The following COL23A1 variants were observed in gnomAD, a reference collection of about 807,000 sequenced individuals.
COL23A1 encodes the protein collagen alpha-1(XXIII) chain.
Under a neutral mutation model 99.3 loss-of-function variants are expected in COL23A1, and 97 were observed. The observed-to-expected ratio is 0.98, with a 90% CI of 0.83 to 1.16. The LOEUF is 1.16. COL23A1 is among the 50% of genes most tolerant of loss of function. The pLI is 0.00. For synonymous variants in COL23A1, 320 were observed against 308.2 expected, an observed-to-expected ratio of 1.04 and a Z score of -0.40; for missense variants, 762 against 757.4, an observed-to-expected ratio of 1.01 and a Z score of -0.07.
At chr5:178,489,018 G>T (rs1011757593) in intron 2 of COL23A1, among the ~76,000 whole-genome samples, 7 of 150,998 alleles carry the variant, frequency 4.6e-5, no homozygotes, top group Admixed American at 3.9e-4. Flanking sequence ...TGCCCCTCAG[G>T]ATCTGCCCCT....
chr5:178,344,492 C>T (rs1271904371), intron 2 of COL23A1, among the ~76,000 whole-genome samples: 1 of 152,108 alleles, frequency 6.6e-6, no homozygotes, highest in Non-Finnish European at 1.5e-5. Context: ...CAAAAATTAG[C>T]CAGGTCTGGT....
chr5:178,494,441 C>T (rs1013580525), intron 2 of COL23A1, among the ~76,000 whole-genome samples: 5 of 152,178 alleles, frequency 3.3e-5, no homozygotes, highest in Non-Finnish European at 5.9e-5. Flanking sequence ...ATTTGGGAGG[C>T]CGAGGCAGGC....
At chr5:178,363,122 T>G (rs767916224) in intron 2 of COL23A1, among the ~76,000 whole-genome samples, 2 of 151,886 alleles carry the variant, frequency 1.3e-5, no homozygotes, top group Non-Finnish European at 2.9e-5. Flanking sequence ...GCTGTTTTTA[T>G]GACAAGCAAC....
At chr5:178,513,037 C>T (rs1759295097) in intron 2 of COL23A1, among the ~76,000 whole-genome samples, 1 of 152,288 alleles carries the variant, frequency 6.6e-6, no homozygotes, top group Admixed American at 6.5e-5. Context: ...AAAGAGAAGG[C>T]CATATTCCAG....
At chr5:178,249,714 ACACTCTCTCTCT>A (rs1373651249) in intron 18 of COL23A1, among the ~76,000 whole-genome samples, 15 of 116,218 alleles carry the variant, frequency 1.3e-4, no homozygotes, top group Non-Finnish European at 2.4e-4. Context: ...ACACACACAC[ACACTCTCTCTCT>A]CTCTCTCTCT....
At chr5:178,270,827 C>A (rs529771013) in intron 5 of COL23A1, among the ~76,000 whole-genome samples, 1 of 152,336 alleles carries the variant, frequency 6.6e-6, no homozygotes, top group African/African-American at 2.4e-5. Context: ...GAAAGCAGAG[C>A]TGAGAGACAG....
Position 178,372,818 on chromosome 5 carries a change from T to C in COL23A1, c.362-65899A>G, listed in dbSNP as rs1021245528. On this transcript the variant is annotated intron_variant, in intron 2 of 28. Coordinates refer to ENST00000390654, the MANE Select transcript of COL23A1 (RefSeq NM_173465.4). Reference sequence around the variant, plus strand: ...CTCAAACTCTTGGGCTTAAGTGATCTGCCTGTCTCTGCCTCCCAAAGTACT... The same window carrying C: ...CTCAAACTCTTGGGCTTAAGTGATCCGCCTGTCTCTGCCTCCCAAAGTACT... Among the ~76,000 whole-genome samples the C allele has an allele frequency of 1.4e-3, 207 of 152,302 alleles. 1 individual carries two copies. Among genetic ancestry groups the C allele is most frequent in the Non-Finnish European group, 1.2e-4 (8 of 68,028 alleles).
At chr5:178,483,951 C>A (rs1288742814) in intron 2 of COL23A1, among the ~76,000 whole-genome samples, 2 of 149,794 alleles carry the variant, frequency 1.3e-5, no homozygotes, top group Admixed American at 1.3e-4. Context: ...TTTTTTTTTT[C>A]TTTGAGGCAG....
intron 14 of COL23A1, among the ~76,000 whole-genome samples, chr5:178,256,621 C>G (rs1057287580): frequency 6.6e-6 from 1 of 152,202 alleles, no homozygotes; most frequent in Non-Finnish European, 1.5e-5. Flanking sequence ...CGCTGGTGTC[C>G]AGGAGCCTGA....
chr5:178,434,922 C>T lies in COL23A1; in HGVS notation c.361+125760G>A, dbSNP rs989673769. Among the ~76,000 whole-genome samples, 3 of 152,232 alleles carry T rather than the reference C, an allele frequency of 2.0e-5. No homozygotes were observed. Among genetic ancestry groups the T allele is most frequent in the African/African-American group, 7.2e-5 (3 of 41,466 alleles). On this transcript the variant is annotated intron_variant, in intron 2 of 28. Coordinates refer to ENST00000390654, the MANE Select transcript of COL23A1 (RefSeq NM_173465.4). The surrounding 1 kb of genome is among the most constrained non-coding windows in gnomAD (Gnocchi z 4.3). ...CTCAGCCCTTGCAGGGCAGCCCAGC[C>T]CCGACCCTGCCGCCGGTCAAGACTG...
chr5:178,241,630 C>T (rs969277109), intron 27 of COL23A1, among the ~76,000 whole-genome samples: 3 of 152,190 alleles, frequency 2.0e-5, no homozygotes, highest in Admixed American at 6.5e-5. Context: ...TGGTTCCCTC[C>T]GCAGGGCCCA....
rs530321342 is a variant in COL23A1, at chr5:178,360,553, T to C, written c.362-53634A>G. Among the ~76,000 whole-genome samples the C allele has an allele frequency of 5.9e-5, 9 of 152,282 alleles. No homozygotes were observed. The South Asian group carries it at 1.9e-3, about 32-fold the overall frequency. Reference sequence around the variant, plus strand: ...AGAACTGACCGCACACAGATCTGTGTTCAAATCCCTCACTAGACTGCCAGA... The same window carrying C: ...AGAACTGACCGCACACAGATCTGTGCTCAAATCCCTCACTAGACTGCCAGA... On this transcript the variant is annotated intron_variant, in intron 2 of 28. Transcript: ENST00000390654.
chr5:178,345,585 C>T (rs189162614), intron 2 of COL23A1, among the ~76,000 whole-genome samples: 3,041 of 151,668 alleles, frequency 0.02, 38 homozygotes, highest in South Asian at 0.047. Flanking sequence ...GGCGCGATCT[C>T]GACTCACTGC....
chr5:178,348,259 A>T (rs1414853269), intron 2 of COL23A1, among the ~76,000 whole-genome samples: 1 of 151,810 alleles, frequency 6.6e-6, no homozygotes, highest in African/African-American at 2.4e-5. Flanking sequence ...GTTCCCACGC[A>T]CTCGGGGCGA....
At chr5:178,353,363 A>G (rs1229286308) in intron 2 of COL23A1, among the ~76,000 whole-genome samples, 1 of 152,240 alleles carries the variant, frequency 6.6e-6, no homozygotes, top group East Asian at 1.9e-4. Context: ...AATATATTGA[A>G]AATTTTTTTC....
At chr5:178,573,176 T>C (rs1386329722) in intron 1 of COL23A1, among the ~76,000 whole-genome samples, 1 of 152,218 alleles carries the variant, frequency 6.6e-6, no homozygotes, top group Non-Finnish European at 1.5e-5. Context: ...AAGTTGTGCA[T>C]TTTTAATTTG....
chr5:178,525,880 AG>A (rs1225702321), intron 2 of COL23A1, among the ~76,000 whole-genome samples: 3 of 152,286 alleles, frequency 2.0e-5, no homozygotes, highest in African/African-American at 7.2e-5. Context: ...GAAGCACTGG[AG>A]AAGAGCCCAA....
chr5:178,398,114 GATA>G (rs1272016963), intron 2 of COL23A1, among the ~76,000 whole-genome samples: 1 of 152,176 alleles, frequency 6.6e-6, no homozygotes, highest in Non-Finnish European at 1.5e-5. Flanking sequence ...AACCAAAGAG[GATA>G]ATAAGGGCAT....
intron 16 of COL23A1, among the ~76,000 whole-genome samples, chr5:178,253,692 A>G (rs1263299749): frequency 6.6e-6 from 1 of 151,658 alleles, no homozygotes; most frequent in East Asian, 2.0e-4. Context: ...TATGTTGGCC[A>G]TGCTGGTCTC....
Sources: allele counts gnomAD v4.1 joint callset (sites outside exome capture counted in the v4.1 genomes callset), GRCh38; gene constraint gnomAD v4.1.1; non-coding constraint Gnocchi (gnomAD v3.1); transcripts MANE v1.5; gene names NCBI Gene and HGNC (gene_info 2026-07-23, HGNC 2026-07-21).